SH3PXD2A: variants seen among roughly 807,000 people sequenced by gnomAD.
The protein encoded by SH3PXD2A is SH3 and PX domains 2A.
A neutral mutation model predicts 115.2 loss-of-function variants in SH3PXD2A; 32 were observed. That is an observed-to-expected ratio of 0.28 (90% CI 0.21 to 0.37). SH3PXD2A has a LOEUF of 0.37. Ranked by LOEUF, SH3PXD2A falls within the 10% of genes least tolerant of loss-of-function variation. The probability of loss-of-function intolerance (pLI) is 1.00; values close to 1 mark genes in which losing one functional copy is unlikely to be tolerated. For synonymous variants in SH3PXD2A, 610 were observed against 629.1 expected (o/e 0.97, Z 0.45); for missense variants, 1,328 against 1,498.7 (o/e 0.89, Z 1.88).
At chr10:103,767,029 C>A (rs2038762110) in intron 3 of SH3PXD2A, 65 bp downstream of exon 3, 1 of 1,246,564 alleles carries the variant, frequency 8.0e-7, no homozygotes, top group Non-Finnish European at 1.2e-6. Flanking sequence ...CTCTTCTCGG[C>A]CTAAGGGAAG....
intron 2 of SH3PXD2A, among the ~76,000 whole-genome samples, chr10:103,768,228 C>T (rs1176217200): frequency 6.6e-6 from 1 of 152,160 alleles, no homozygotes; most frequent in African/African-American, 2.4e-5. Flanking sequence ...TGTCATGTGC[C>T]AGGGAAGATC....
chr10:103,752,845 T>A (rs1191639843), intron 3 of SH3PXD2A, among the ~76,000 whole-genome samples: 1 of 152,214 alleles, frequency 6.6e-6, no homozygotes, highest in East Asian at 1.9e-4. Flanking sequence ...CTTTCCAGAA[T>A]TCAATTATTT....
chr10:103,769,149 TG>T (rs1419798881), intron 2 of SH3PXD2A, among the ~76,000 whole-genome samples: 1 of 90,882 alleles, frequency 1.1e-5, no homozygotes, highest in Non-Finnish European at 2.3e-5. Flanking sequence ...TGTGTGTGTG[TG>T]TGTGTGTGTG....
At chr10:103,832,516 A>G (rs2039492147) in intron 1 of SH3PXD2A, among the ~76,000 whole-genome samples, 2 of 152,228 alleles carry the variant, frequency 1.3e-5, no homozygotes, top group South Asian at 2.1e-4. Flanking sequence ...ATGTCCATCA[A>G]TGATAGACTG....
chr10:103,849,079 C>T (rs772878720), intron 1 of SH3PXD2A, among the ~76,000 whole-genome samples: 2 of 150,030 alleles, frequency 1.3e-5, no homozygotes, highest in East Asian at 4.0e-4. Flanking sequence ...CCAAGGGATA[C>T]GGCACACAGG....
chr10:103,818,789 T>C (rs1355008354), intron 1 of SH3PXD2A, among the ~76,000 whole-genome samples: 5 of 152,138 alleles, frequency 3.3e-5, no homozygotes, highest in Non-Finnish European at 7.4e-5. Flanking sequence ...CCTTCTCCCA[T>C]GTGATCTCAC....
intron 2 of SH3PXD2A, among the ~76,000 whole-genome samples, chr10:103,776,446 G>GTGTGTGTT (rs57325624): frequency 6.7e-6 from 1 of 149,764 alleles, no homozygotes; most frequent in Admixed American, 6.7e-5. Flanking sequence ...CTGTGTGTGT[G>GTGTGTGTT]TGTGTGTGTG....
chr10:103,612,810 A>G, intron 12 of SH3PXD2A, 43 bp downstream of exon 12: 2 of 1,393,798 alleles, frequency 1.4e-6, no homozygotes, highest in Non-Finnish European at 1.9e-6. Context: ...CCATTCTCTA[A>G]GGAGCTTTGC....
intron 2 of SH3PXD2A, among the ~76,000 whole-genome samples, chr10:103,782,057 A>G (rs2038936111): frequency 6.6e-6 from 1 of 152,224 alleles, no homozygotes; most frequent in Admixed American, 6.5e-5. Flanking sequence ...CACAAAGCCC[A>G]AGTTCACCAG....
intron 1 of SH3PXD2A, among the ~76,000 whole-genome samples, chr10:103,827,345 C>A (rs2039440461): frequency 6.6e-6 from 1 of 152,180 alleles, no homozygotes; most frequent in Non-Finnish European, 1.5e-5. Context: ...TCACCTCTCA[C>A]CCATCCTTCA....
chr10:103,649,162 A>G (rs1452583135), intron 8 of SH3PXD2A, among the ~76,000 whole-genome samples: 1 of 152,220 alleles, frequency 6.6e-6, no homozygotes, highest in Non-Finnish European at 1.5e-5. Flanking sequence ...TAGGAGCTCC[A>G]GAACTGCAGA....
chr10:103,804,314 CTTTTTTTTTT>C (rs58737094), intron 1 of SH3PXD2A, among the ~76,000 whole-genome samples: 3 of 59,690 alleles, frequency 5.0e-5, no homozygotes, highest in Non-Finnish European at 2.9e-5. Context: ...TTGACATCAT[CTTTTTTTTTT>C]TTTTTTTTTT....
chr10:103,830,163 T>A (rs963718656), intron 1 of SH3PXD2A, among the ~76,000 whole-genome samples: 3 of 152,200 alleles, frequency 2.0e-5, no homozygotes, highest in Non-Finnish European at 2.9e-5. Flanking sequence ...GGAGGCTTAG[T>A]TTTGAAAAAC....
intron 1 of SH3PXD2A, among the ~76,000 whole-genome samples, chr10:103,806,980 T>C (rs2039211195): frequency 1.3e-5 from 2 of 152,204 alleles, no homozygotes; most frequent in South Asian, 4.1e-4. Context: ...CCAGAGGTCA[T>C]CTTGGGCTGC....
chr10:103,820,063 T>C (rs1564897253), intron 1 of SH3PXD2A, among the ~76,000 whole-genome samples: 2 of 152,180 alleles, frequency 1.3e-5, no homozygotes, highest in Non-Finnish European at 2.9e-5. Flanking sequence ...AGGCATTCAA[T>C]GCAGGGAGCG....
intron 3 of SH3PXD2A, among the ~76,000 whole-genome samples, chr10:103,751,573 C>T (rs1005072938): frequency 6.6e-6 from 1 of 152,128 alleles, no homozygotes; most frequent in Non-Finnish European, 1.5e-5. Flanking sequence ...CCCTGTTAAC[C>T]AAGATAAAAT....
At chr10:103,757,031 T>C (rs988435381) in intron 3 of SH3PXD2A, among the ~76,000 whole-genome samples, 1 of 152,328 alleles carries the variant, frequency 6.6e-6, no homozygotes. Flanking sequence ...CAGTCTGCCA[T>C]CTACGCTGGA....
Position 103,661,005 on chromosome 10 carries a change from A to G in SH3PXD2A, c.582T>C (p.Asp194=). ...ELSLQAGEVV[D]VIEKNESGWW... is the part of the protein sequence containing the mutation. ...CACCGCTCTCGTTCTTCTCGATGAC[A>G]TCCACCACCTCCCCGGCCTGGAGGC... Residue 194 remains aspartate, a synonymous_variant, in exon 8 of 15, where the codon GAT becomes GAC. Transcript: ENST00000369774. 1 of 1,614,052 alleles carries G rather than the reference A, an allele frequency of 6.2e-7. No homozygotes were observed. The highest frequency in any genetic ancestry group is 8.5e-7 in the Non-Finnish European group (1 of 1,179,964).
At chr10:103,677,185 T>A (rs1285824206) in intron 6 of SH3PXD2A, among the ~76,000 whole-genome samples, 2 of 152,208 alleles carry the variant, frequency 1.3e-5, no homozygotes, top group African/African-American at 4.8e-5. Context: ...ACTCTTGCTA[T>A]CGGATTATCA....
Sources: gnomAD v4.1 joint callset for allele counts (sites outside exome capture counted in the v4.1 genomes callset) on GRCh38, gnomAD v4.1.1 for gene constraint, MANE v1.5 for transcripts, NCBI Gene and HGNC (gene_info 2026-07-23, HGNC 2026-07-21) for gene names.